PI4KA: variants seen among roughly 807,000 people sequenced by gnomAD.
The protein encoded by PI4KA is PI4-kinase alpha.
A neutral mutation model predicts 271.4 loss-of-function variants in PI4KA; 122 were observed. That is an observed-to-expected ratio of 0.45 (90% CI 0.39 to 0.52). The LOEUF is 0.52. Ranked by LOEUF, PI4KA falls within the 20% of genes least tolerant of loss-of-function variation. PI4KA has a pLI of 0.00. For synonymous variants in PI4KA, 1,041 were observed against 1,078.8 expected (o/e 0.96, Z 0.69); for missense variants, 1,969 against 2,769.1 (o/e 0.71, Z 6.48).
Position 20,799,209 on chromosome 22 carries a change from T to C in PI4KA, c.1888A>G (p.Thr630Ala). The C allele has an allele frequency of 6.3e-7, 1 of 1,586,988 alleles. No individual in the cohort carries two copies. Among genetic ancestry groups the C allele is most frequent in the Middle Eastern group, 1.7e-4 (1 of 5,876 alleles). Residue 630 changes from threonine (T) to alanine (A), a missense_variant, in exon 16 of 55, where the codon ACC becomes GCC. By Grantham distance (58) the Thr-to-Ala change is moderately conservative. Around this residue, in one of 13 missense-constraint regions of PI4KA, gnomAD observed 228 missense variants for 261.6 expected, o/e 0.87. Coordinates refer to ENST00000255882, the MANE Select transcript of PI4KA (RefSeq NM_058004.4). ...LGHIAVALRD[T>A]PKVMEPILQI... is the part of the protein sequence containing the mutation. ...AGAATGGGCTCCATGACCTTCGGGG[T>C]GTCCCTCAAGGCCACCGCAATGTGT...
chr22:20,805,832 CAAA>C (rs362153), intron 10 of PI4KA, among the ~76,000 whole-genome samples: 18 of 105,248 alleles, frequency 1.7e-4, no homozygotes, highest in Admixed American at 2.9e-4. Context: ...ACTCCCATCT[CAAA>C]AAAAAAAAAA....
chr22:20,754,767 G>A (rs951186227), intron 23 of PI4KA, among the ~76,000 whole-genome samples: 2 of 152,092 alleles, frequency 1.3e-5, no homozygotes, highest in African/African-American at 4.8e-5. Flanking sequence ...GGCCAACATG[G>A]TGAAACCCCA....
At chr22:20,720,375 G>C (rs1926593422) in intron 43 of PI4KA, among the ~76,000 whole-genome samples, 1 of 152,042 alleles carries the variant, frequency 6.6e-6, no homozygotes, top group Admixed American at 6.5e-5. Flanking sequence ...TCATTAAGAA[G>C]CTAGGCTGAG....
intron 32 of PI4KA, among the ~76,000 whole-genome samples, chr22:20,738,950 C>T (rs1354277380): frequency 4.6e-5 from 7 of 151,320 alleles, no homozygotes; most frequent in Non-Finnish European, 2.9e-5. Flanking sequence ...CGCCTGTAAT[C>T]CCAGCACTTG....
At chr22:20,747,508 G>A (rs936812851) in intron 29 of PI4KA, 75 bp downstream of exon 29, 194 of 1,524,184 alleles carry the variant, frequency 1.3e-4, no homozygotes, top group Non-Finnish European at 1.7e-4. Flanking sequence ...AGCGACAGCC[G>A]AGCTCTAAGC....
At chr22:20,846,985 A>C (rs1249099867) in intron 1 of PI4KA, among the ~76,000 whole-genome samples, 1 of 151,854 alleles carries the variant, frequency 6.6e-6, no homozygotes, top group African/African-American at 2.4e-5. Context: ...GTCTCTACTA[A>C]AAATACAAAA....
chr22:20,749,619 G>GC (rs1930461321), intron 28 of PI4KA, among the ~76,000 whole-genome samples: 1 of 152,216 alleles, frequency 6.6e-6, no homozygotes, highest in South Asian at 2.1e-4. Flanking sequence ...CACCACACAA[G>GC]CCCTTCCTCT....
intron 19 of PI4KA, among the ~76,000 whole-genome samples, chr22:20,768,058 A>G (rs936948917): frequency 6.6e-6 from 1 of 152,044 alleles, no homozygotes; most frequent in African/African-American, 2.4e-5. Context: ...GATCACACGC[A>G]AAGCTGCCAC....
chr22:20,755,955 G>A (rs1007973660), intron 23 of PI4KA, among the ~76,000 whole-genome samples: 13 of 152,132 alleles, frequency 8.5e-5, no homozygotes, highest in Admixed American at 3.9e-4. Flanking sequence ...TACATGCTGG[G>A]TCTGCCCTCT....
At position 20,733,666 on chromosome 22, in the gene PI4KA, T is replaced by C. The variant is rs566042772; in HGVS notation, c.4160+70A>G. On this transcript the variant is annotated intron_variant, in intron 35 of 54. Transcript: ENST00000255882. ...TTCCTGTGAGTGACTTCCTGGGGGT[T>C]TGGGGCGATGGAGCACTTGGAGGGG... is the stretch of plus-strand genomic sequence containing the variant. 6.1e-5 allele frequency: 99 copies of C among 1,612,528 alleles called. 1 individual carries two copies. Among genetic ancestry groups the C allele is most frequent in the Middle Eastern group, 1.7e-4 (1 of 5,806 alleles).
At position 20,846,263 on chromosome 22, in the gene PI4KA, C is replaced by CA. The variant is rs361641; in HGVS notation, c.157-7533dup. Among the ~76,000 whole-genome samples, 194 of 81,996 alleles carry CA rather than the reference C, an allele frequency of 2.4e-3. 1 individual carries two copies. Among genetic ancestry groups the CA allele is most frequent in the Non-Finnish European group, 2.5e-3 (106 of 41,908 alleles). 53.8% of individuals were successfully genotyped at this position (81,996 alleles called of 152,430 possible). A position where few individuals can be genotyped will look rare whatever the true frequency, so the allele number is the denominator to read the frequency against. On this transcript the variant is annotated intron_variant, in intron 1 of 54. Transcript: ENST00000255882. ...TGGGCAACAGAACAAGACTCTATCT[C>CA]AAAAAAAAAAAAAAAAAAAAGAAAA...
intron 19 of PI4KA, among the ~76,000 whole-genome samples, chr22:20,773,714 A>G (rs2095582060): frequency 6.6e-6 from 1 of 152,220 alleles, no homozygotes; most frequent in Non-Finnish European, 1.5e-5. Context: ...CCTGGAGAGC[A>G]GGTGGAGGGC....
intron 9 of PI4KA, among the ~76,000 whole-genome samples, chr22:20,808,077 G>GATCA (rs2147634458): frequency 6.7e-6 from 1 of 149,810 alleles, no homozygotes; most frequent in African/African-American, 2.5e-5. Flanking sequence ...GATCACCTGA[G>GATCA]GTCGGGAGTT....
rs886192073 is a variant in PI4KA at position 20,759,402 on chromosome 22, C to CTTTTTT, written c.2791+1896_2791+1901dup. On this transcript the variant is annotated intron_variant, in intron 23 of 54. Transcript: ENST00000255882. ...TTGATTTTTCTTTTTCTTTTCTTTT[C>CTTTTTT]TTTTTTTTTTTTTTTTTTTTTGAGA... Among the ~76,000 whole-genome samples, 982 of 102,876 alleles carry CTTTTTT rather than the reference C, an allele frequency of 9.5e-3. 2 individuals are homozygous for CTTTTTT. Among genetic ancestry groups the CTTTTTT allele is most frequent in the East Asian group, 0.017 (53 of 3,180 alleles). 67.5% of individuals were successfully genotyped at this position (102,876 alleles called of 152,430 possible).
At chr22:20,819,569 G>T (rs983836324) in intron 6 of PI4KA, 72 bp downstream of exon 6, 1 of 1,374,426 alleles carries the variant, frequency 7.3e-7, no homozygotes, top group Non-Finnish European at 1.0e-6. Flanking sequence ...CTACAAAGAA[G>T]AGGGATTTTC....
Position 20,844,290 on chromosome 22 carries a change from A to AT in PI4KA, c.157-5560dup, listed in dbSNP as rs199908890. The stretch of plus-strand genomic sequence containing the variant: ...AAGCGGCCAAGGTCACAGACATTTG[A>AT]TAAGGTGAGGAGGAAAGAAAAGAGG... On this transcript the variant is annotated intron_variant, in intron 1 of 54. Coordinates refer to ENST00000255882, the MANE Select transcript of PI4KA (RefSeq NM_058004.4). Among the ~76,000 whole-genome samples, 1,123 of 152,316 alleles carry AT rather than the reference A, an allele frequency of 7.4e-3. 6 individuals carry two copies. The highest frequency in any genetic ancestry group is 0.013 in the Non-Finnish European group (895 of 68,038).
intron 19 of PI4KA, among the ~76,000 whole-genome samples, chr22:20,774,364 T>C (rs1933073944): frequency 6.6e-6 from 1 of 152,220 alleles, no homozygotes; most frequent in African/African-American, 2.4e-5. Flanking sequence ...GTGGAATAGA[T>C]GAAAATATTG....
At chr22:20,759,377 T>C (rs1241265392) in intron 23 of PI4KA, among the ~76,000 whole-genome samples, 3 of 151,672 alleles carry the variant, frequency 2.0e-5, no homozygotes, top group Non-Finnish European at 4.4e-5. Context: ...TCTTGAAGCG[T>C]TGATTTTTCT....
In PI4KA at chr22:20,793,250, A is replaced by C; in HGVS notation, c.2278-7T>G. The C allele has an allele frequency of 6.5e-7, 1 of 1,539,832 alleles. No individual in the cohort carries two copies. Among genetic ancestry groups the C allele is most frequent in the Non-Finnish European group, 9.0e-7 (1 of 1,112,936 alleles). On this transcript the variant is annotated splice_region_variant and splice_polypyrimidine_tract_variant and intron_variant, in intron 18 of 54. Coordinates refer to ENST00000255882, the MANE Select transcript of PI4KA (RefSeq NM_058004.4). ...TCCCTGCACTGCTAGAAGCCTAGAA[A>C]AGAACAGAATTATTGTCATTAACGA... is the stretch of plus-strand genomic sequence containing the variant.
Sources: gnomAD v4.1 joint callset for allele counts (sites outside exome capture counted in the v4.1 genomes callset) on GRCh38, gnomAD v4.1.1 for gene constraint, gnomAD v4.1.1 regional missense constraint, MANE v1.5 for transcripts, NCBI Gene and HGNC (gene_info 2026-07-23, HGNC 2026-07-21) for gene names.